HMGXB3: variants seen among roughly 807,000 people sequenced by gnomAD.
The protein encoded by HMGXB3 is HMG domain-containing protein 3.
Under a neutral mutation model 121.5 loss-of-function variants are expected in HMGXB3, and 45 were observed. The observed-to-expected ratio is 0.37, with a 90% confidence interval of 0.29 to 0.47. The LOEUF (loss-of-function observed/expected upper bound fraction) is 0.47. Among genes scored for constraint, HMGXB3 ranks in the 20% least tolerant of loss-of-function variants. HMGXB3 has a pLI of 0.99. For missense variants in HMGXB3, 1,376 were observed against 1,602.2 expected (o/e 0.86, Z 2.41); for synonymous variants, 590 against 624.1 (o/e 0.95, Z 0.81).
chr5:150,032,598 G>A lies in HMGXB3; in HGVS notation c.1978G>A (p.Ala660Thr). 3.9e-6 allele frequency: 6 copies of A among 1,552,262 alleles called. No homozygotes were observed. The East Asian group carries it at 1.2e-4, about 32-fold the overall frequency. Reference sequence around the variant, plus strand: ...AGACCGGACTGAGAAAACCACCAAGGCTATCGTGAGTTCCTTCCCCCAAAC... The same window carrying A: ...AGACCGGACTGAGAAAACCACCAAGACTATCGTGAGTTCCTTCCCCCAAAC... ...AKDRTEKTTK[A>T]IEVSSPLPDV... Residue 660 changes from alanine (A) to threonine (T), a missense_variant, in exon 11 of 20, where the codon GCT becomes ACT. Around this residue, in one of 2 missense-constraint regions of HMGXB3, gnomAD observed 1,116 missense variants for 1,369.0 expected, o/e 0.82. Coordinates refer to ENST00000502717, the MANE Select transcript of HMGXB3 (RefSeq NM_014983.3).
intron 8 of HMGXB3, 45 bp from the exon 9 acceptor site, chr5:150,026,975 C>T (rs1756247141): frequency 6.5e-7 from 1 of 1,543,982 alleles, no homozygotes. Flanking sequence ...CTTGGGGAGA[C>T]TCTGAATGCA....
chr5:150,009,739 C>T (rs1755785906), intron 3 of HMGXB3, among the ~76,000 whole-genome samples: 1 of 152,152 alleles, frequency 6.6e-6, no homozygotes, highest in Non-Finnish European at 1.5e-5. Context: ...AGATTCAGCT[C>T]CCTTGTTTTA....
chr5:150,033,931 G>C (rs1756439689), intron 11 of HMGXB3, among the ~76,000 whole-genome samples: 1 of 152,124 alleles, frequency 6.6e-6, no homozygotes, highest in Admixed American at 6.5e-5. Context: ...GGCACTAATG[G>C]CTTGGTGGGA....
intron 16 of HMGXB3, among the ~76,000 whole-genome samples, chr5:150,046,801 G>C (rs964667798): frequency 6.6e-6 from 1 of 151,798 alleles, no homozygotes; most frequent in Non-Finnish European, 1.5e-5. Flanking sequence ...GACAGAGCGA[G>C]ACTCCGTCTC....
chr5:150,018,718 C>G, intron 6 of HMGXB3, 21 bp downstream of exon 6: 2 of 1,539,748 alleles, frequency 1.3e-6, no homozygotes, highest in Non-Finnish European at 1.8e-6. Flanking sequence ...TTGGCTGTTG[C>G]TGCTTTGGAA....
Position 150,052,146 on chromosome 5 carries a change from C to T in HMGXB3, c.3833C>T (p.Thr1278Ile), listed in dbSNP as rs1406457300. 1.3e-6 allele frequency: 2 copies of T among 1,550,420 alleles called. No homozygotes were observed. Among genetic ancestry groups the T allele is most frequent in the South Asian group, 1.2e-5 (1 of 84,040 alleles). Reference protein sequence around the residue: ...RLGVAQIKTETEEEGEEEEVA... With the variant: ...RLGVAQIKTEIEEEGEEEEVA... ...GGGGTTGCTCAGATCAAGACAGAGACAGAGGAGGAGGGTGAGGAAGAGGAG... is the reference window on the plus strand; with the variant it reads ...GGGGTTGCTCAGATCAAGACAGAGATAGAGGAGGAGGGTGAGGAAGAGGAG... The change falls in exon 20 of 20, where the codon ACA (threonine) becomes ATA (isoleucine). Residue 1278 changes from threonine to isoleucine, a missense_variant. Thr to Ile is a moderately conservative substitution (Grantham distance 89, BLOSUM62 -1). Around this residue, in one of 2 missense-constraint regions of HMGXB3, gnomAD observed 260 missense variants for 233.2 expected, o/e 1.11. Transcript: ENST00000502717.
Position 150,052,456 on chromosome 5 carries a change from G to C in HMGXB3, c.*264G>C, listed in dbSNP as rs759701285. 3 of 449,450 alleles carry C rather than the reference G, an allele frequency of 6.7e-6. No individual in the cohort carries two copies. The highest frequency in any genetic ancestry group is 1.2e-5 in the Non-Finnish European group (3 of 248,092). The allele number at this position is 449,450 out of a possible 1,614,324, so 27.8% of individuals were successfully genotyped here. A position where few individuals can be genotyped will look rare whatever the true frequency, so the allele number is the denominator to read the frequency against. The stretch of plus-strand genomic sequence containing the variant: ...GGGGGACACGGTATGTTTAATGGAG[G>C]GGAGGCTGAGGGAAAGGCTCGTAGC... On this transcript the variant is annotated 3_prime_UTR_variant, in exon 20 of 20. Coordinates refer to ENST00000502717, the MANE Select transcript of HMGXB3 (RefSeq NM_014983.3).
intron 1 of HMGXB3, 124 bp from the exon 2 acceptor site, chr5:150,004,727 A>G (rs1333010095): frequency 3.0e-5 from 18 of 593,558 alleles, no homozygotes; most frequent in Non-Finnish European, 4.6e-5. Flanking sequence ...CTTAGGATAT[A>G]TTGGGTTTGG....
Position 150,052,463 on chromosome 5 carries a change from T to G in HMGXB3, c.*271T>G. 4.6e-6 allele frequency: 2 copies of G among 439,382 alleles called. No homozygotes were observed. Among genetic ancestry groups the G allele is most frequent in the Non-Finnish European group, 8.3e-6 (2 of 242,136 alleles). The allele number at this position is 439,382 out of a possible 1,614,324, so 27.2% of individuals were successfully genotyped here. On this transcript the variant is annotated 3_prime_UTR_variant, in exon 20 of 20. Coordinates refer to ENST00000502717, the MANE Select transcript of HMGXB3 (RefSeq NM_014983.3). ...ACGGTATGTTTAATGGAGGGGAGGCTGAGGGAAAGGCTCGTAGCTGGTGGG... is the reference window on the plus strand; with the variant it reads ...ACGGTATGTTTAATGGAGGGGAGGCGGAGGGAAAGGCTCGTAGCTGGTGGG...
In HMGXB3 at chr5:150,052,227, A is replaced by C; in HGVS notation, c.*35A>C. 650 of 1,450,078 alleles carry C rather than the reference A, an allele frequency of 4.5e-4. No individual in the cohort carries two copies. The highest frequency in any genetic ancestry group is 5.6e-4 in the Non-Finnish European group (600 of 1,074,886). 89.8% of individuals were successfully genotyped at this position (1,450,078 alleles called of 1,614,324 possible). A position where few individuals can be genotyped will look rare whatever the true frequency, so the allele number is the denominator to read the frequency against. ...TTGTACAGGGACTACACCATCTCTC[A>C]AGCCATAGTAAGGCCCTTGCCTGAG... On this transcript the variant is annotated 3_prime_UTR_variant, in exon 20 of 20. Coordinates refer to ENST00000502717, the MANE Select transcript of HMGXB3 (RefSeq NM_014983.3).
At chr5:150,027,255 A>G in intron 9 of HMGXB3, 138 bp downstream of exon 9, 1 of 580,262 alleles carries the variant, frequency 1.7e-6, no homozygotes, top group Middle Eastern at 4.6e-4. Flanking sequence ...TGAATGATTT[A>G]TCTGTTTTTT....
chr5:150,026,121 C>T (rs1488400592), intron 7 of HMGXB3, among the ~76,000 whole-genome samples: 3 of 150,426 alleles, frequency 2.0e-5, no homozygotes, highest in Non-Finnish European at 2.9e-5. Flanking sequence ...TGAGCTACCG[C>T]GCCCGGCCCC....
chr5:150,002,735 G>A (rs1220685025), intron 1 of HMGXB3, among the ~76,000 whole-genome samples: 2 of 152,256 alleles, frequency 1.3e-5, no homozygotes, highest in Admixed American at 6.5e-5. Context: ...CATAAAAGCT[G>A]TTAGTAGATT....
intron 1 of HMGXB3, among the ~76,000 whole-genome samples, chr5:150,002,761 C>G (rs966197274): frequency 3.3e-5 from 5 of 152,184 alleles, no homozygotes; most frequent in Non-Finnish European, 7.3e-5. Flanking sequence ...TTTTTTAGCC[C>G]AGCACCAGAG....
At chr5:150,049,419 C>T (rs1163143095) in intron 18 of HMGXB3, among the ~76,000 whole-genome samples, 1 of 151,808 alleles carries the variant, frequency 6.6e-6, no homozygotes, top group African/African-American at 2.4e-5. Context: ...AACCCCCCCC[C>T]TTAACAGGTA....
intron 9 of HMGXB3, among the ~76,000 whole-genome samples, chr5:150,028,178 A>G (rs1756277532): frequency 6.6e-6 from 1 of 152,062 alleles, no homozygotes; most frequent in African/African-American, 2.4e-5. Context: ...CAAAGCAGGG[A>G]GGGGACTTAT....
intron 9 of HMGXB3, among the ~76,000 whole-genome samples, chr5:150,028,505 ATGTGTGTGTGTG>A (rs1156746032): frequency 8.5e-4 from 77 of 90,488 alleles, no homozygotes; most frequent in African/African-American, 4.7e-3. Context: ...ATATGTATGT[ATGTGTGTGTGTG>A]TGTGTGTGTG....
At chr5:150,032,960 G>A (rs1561874290) in intron 11 of HMGXB3, among the ~76,000 whole-genome samples, 1 of 152,118 alleles carries the variant, frequency 6.6e-6, no homozygotes, top group Non-Finnish European at 1.5e-5. Flanking sequence ...TTACTGTTTC[G>A]GTAAATAGAG....
At chr5:150,020,826 A>G (rs1405942276) in intron 6 of HMGXB3, among the ~76,000 whole-genome samples, 1 of 144,400 alleles carries the variant, frequency 6.9e-6, no homozygotes, top group Non-Finnish European at 1.5e-5. Flanking sequence ...TGCAACCTCT[A>G]CCTCCCTGGT....
Sources: allele counts gnomAD v4.1 joint callset (sites outside exome capture counted in the v4.1 genomes callset), GRCh38; gene constraint gnomAD v4.1.1; regional missense constraint gnomAD v4.1.1; transcripts MANE v1.5; gene names NCBI Gene and HGNC (gene_info 2026-07-23, HGNC 2026-07-21).